Variants in ZNF560 observed in about 807,000 individuals in gnomAD.
ZNF560 encodes the protein zinc finger protein 560.
In ZNF560, 54 loss-of-function variants were observed where a neutral mutation model predicts 81.8. The observed-to-expected ratio is 0.66, with a 90% CI of 0.53 to 0.83. ZNF560 has a LOEUF of 0.83. Among genes scored for constraint, ZNF560 ranks in the 40% least tolerant of loss-of-function variants. The pLI is 0.00. For missense variants in ZNF560, 940 were observed against 932.4 expected (o/e 1.01, Z -0.11); for synonymous variants, 321 against 317.9 (o/e 1.01, Z -0.10).
At chr19:9,493,308 G>A (rs981272830) in intron 2 of ZNF560, among the ~76,000 whole-genome samples, 5 of 152,186 alleles carry the variant, frequency 3.3e-5, no homozygotes, top group African/African-American at 4.8e-5. Flanking sequence ...ACCATGGATA[G>A]CAACTATAAC....
intron 2 of ZNF560, among the ~76,000 whole-genome samples, chr19:9,487,209 G>A (rs1378476143): frequency 1.3e-5 from 2 of 152,156 alleles, no homozygotes; most frequent in African/African-American, 4.8e-5. Flanking sequence ...CCATCTGCGA[G>A]GACCACCCTT....
At chr19:9,471,659 A>G (rs2073124771) in intron 5 of ZNF560, among the ~76,000 whole-genome samples, 1 of 152,238 alleles carries the variant, frequency 6.6e-6, no homozygotes, top group Non-Finnish European at 1.5e-5. Context: ...GGCCAAAGCC[A>G]TATTTCAAAG....
chr19:9,486,904 C>T (rs1340905153), intron 2 of ZNF560, among the ~76,000 whole-genome samples: 1 of 152,174 alleles, frequency 6.6e-6, no homozygotes, highest in Non-Finnish European at 1.5e-5. Context: ...TGTACTTTAA[C>T]CAAGATATTT....
At position 9,469,629 on chromosome 19, in the gene ZNF560, C is replaced by A; in HGVS notation, c.529+1G>T. On this transcript the variant is annotated splice_donor_variant, in intron 8 of 9. Coordinates refer to ENST00000301480, the MANE Select transcript of ZNF560 (RefSeq NM_152476.3). LOFTEE classifies it high-confidence loss of function. The stretch of plus-strand genomic sequence containing the variant: ...CAGGGTTGTTCTTCACAAACACTCA[C>A]CTTGGAGAACTCTTGGCAGTGTGCT... The A allele has an allele frequency of 6.2e-7, 1 of 1,614,044 alleles. No homozygotes were observed. The highest frequency in any genetic ancestry group is 8.5e-7 in the Non-Finnish European group (1 of 1,179,916).
At chr19:9,457,578 C>T in the ZNF560 span, among the ~76,000 whole-genome samples, 1 of 152,214 alleles carries the variant, frequency 6.6e-6, no homozygotes, top group African/African-American at 2.4e-5. Context: ...GGAAATATTA[C>T]TCCAATGTTA....
At position 9,466,526 on chromosome 19, in the gene ZNF560, G is replaced by C. The variant is rs777608482; in HGVS notation, c.*48C>G. ...TTTTACATGTTCAGTTAGGCTTGAG[G>C]AAACAGCAAAGGTTTTTCCACATTC... On this transcript the variant is annotated 3_prime_UTR_variant, in exon 10 of 10. Coordinates refer to ENST00000301480, the MANE Select transcript of ZNF560 (RefSeq NM_152476.3). 6.6e-7 allele frequency: 1 copy of C among 1,511,058 alleles called. No individual in the cohort carries two copies. The highest frequency in any genetic ancestry group is 1.3e-5 in the South Asian group (1 of 74,784). The allele number at this position is 1,511,058 out of a possible 1,614,324, so 93.6% of individuals were successfully genotyped here. A position where few individuals can be genotyped will look rare whatever the true frequency, so the allele number is the denominator to read the frequency against.
At chr19:9,451,276 A>T in the ZNF560 span, among the ~76,000 whole-genome samples, 1 of 152,204 alleles carries the variant, frequency 6.6e-6, no homozygotes, top group African/African-American at 2.4e-5. Flanking sequence ...ACAAAAACAG[A>T]CACATACACC....
At chr19:9,481,224 G>T (rs957387814) in intron 2 of ZNF560, among the ~76,000 whole-genome samples, 2 of 152,094 alleles carry the variant, frequency 1.3e-5, no homozygotes, top group Non-Finnish European at 2.9e-5. Context: ...GCCATATGTA[G>T]AAAGCTGAAA....
At chr19:9,481,403 A>G (rs1203422029) in intron 2 of ZNF560, among the ~76,000 whole-genome samples, 2 of 152,228 alleles carry the variant, frequency 1.3e-5, no homozygotes, top group African/African-American at 4.8e-5. Context: ...AATGGCAACA[A>G]AAGCCAAAAT....
rs1568450691 is a variant in ZNF560 at position 9,467,810 on chromosome 19, CTTACATTTATAAGGT to C, written c.1122_1136del (p.Pro375_Lys379del). 6.2e-7 allele frequency: 1 copy of C among 1,614,150 alleles called. No homozygotes were observed. Among genetic ancestry groups the C allele is most frequent in the Non-Finnish European group, 8.5e-7 (1 of 1,180,034 alleles). On this transcript the variant is annotated inframe_deletion, in exon 10 of 10. Transcript: ENST00000301480. The stretch of plus-strand genomic sequence containing the variant: ...GCACAGTGAAGGTTTTGCCACAGTG[CTTACATTTATAAGGT>C]TTTATCCCAATGTGGGTTTGCATGT...
At chr19:9,475,448 G>A in intron 2 of ZNF560, 79 bp from the exon 3 acceptor site, 1 of 763,242 alleles carries the variant, frequency 1.3e-6, no homozygotes, top group Non-Finnish European at 2.1e-6. Context: ...ATTCCAACCT[G>A]GTTCGAAATT....
chr19:9,505,416 AGTG>A, the ZNF560 span, among the ~76,000 whole-genome samples: 1 of 152,228 alleles, frequency 6.6e-6, no homozygotes, highest in Non-Finnish European at 1.5e-5. Context: ...TTTTATATAA[AGTG>A]AATTTCTTGT....
chr19:9,460,476 C>A, the ZNF560 span, among the ~76,000 whole-genome samples: 1 of 152,184 alleles, frequency 6.6e-6, no homozygotes, highest in Non-Finnish European at 1.5e-5. Context: ...TGGCTGGACC[C>A]CCCAGTGGAG....
downstream of ZNF560, among the ~76,000 whole-genome samples, chr19:9,461,392 T>C (rs1167876346): frequency 1.3e-5 from 2 of 152,156 alleles, no homozygotes; most frequent in Non-Finnish European, 2.9e-5. Context: ...TTCCCATCCT[T>C]GGGAACCCTC....
At chr19:9,462,007 GTTGT>G (rs1317111209), downstream of ZNF560, among the ~76,000 whole-genome samples, 2 of 152,238 alleles carry the variant, frequency 1.3e-5, no homozygotes, top group African/African-American at 4.8e-5. Flanking sequence ...ATTAATCTGT[GTTGT>G]TTGTCTTTGT....
chr19:9,449,996 A>AACAAC, the ZNF560 span, among the ~76,000 whole-genome samples: 1 of 115,878 alleles, frequency 8.6e-6, no homozygotes, highest in African/African-American at 3.4e-5. Flanking sequence ...AAAAAAAAAA[A>AACAAC]AACAACTGAA....
At chr19:9,502,941 T>G (rs2073643571), upstream of ZNF560, among the ~76,000 whole-genome samples, 2 of 152,222 alleles carry the variant, frequency 1.3e-5, no homozygotes, top group Admixed American at 1.3e-4. Context: ...TTCTTATCTA[T>G]TCTCCATTTC....
At chr19:9,456,560 A>T in the ZNF560 span, among the ~76,000 whole-genome samples, 87,310 of 151,962 alleles carry the variant, frequency 0.57, 25,894 homozygotes, top group African/African-American at 0.71. Flanking sequence ...ACCTGTGAAA[A>T]AACTATTCAG....
the ZNF560 span, among the ~76,000 whole-genome samples, chr19:9,451,174 C>T: frequency 1.3e-5 from 2 of 152,088 alleles, no homozygotes; most frequent in Non-Finnish European, 2.9e-5. Context: ...CCAAAGCAAT[C>T]CTATGCAAAA....
Sources: allele counts gnomAD v4.1 joint callset (sites outside exome capture counted in the v4.1 genomes callset), GRCh38; gene constraint gnomAD v4.1.1; transcripts MANE v1.5; gene names NCBI Gene and HGNC (gene_info 2026-07-23, HGNC 2026-07-21).